Variants in ELOVL4 observed in about 807,000 individuals in gnomAD.
ELOVL4 encodes ELOVL fatty acid elongase 4.
Under a neutral mutation model 42.1 loss-of-function variants are expected in ELOVL4, and 18 were observed. The observed-to-expected ratio is 0.43, with a 90% CI of 0.30 to 0.63. ELOVL4 has a LOEUF of 0.63. Ranked by LOEUF, ELOVL4 falls within the 30% of genes least tolerant of loss-of-function variation. ELOVL4 has a pLI of 0.15. For synonymous variants in ELOVL4, 117 were observed against 127.0 expected (o/e 0.92, Z 0.53); for missense variants, 299 against 376.2 (o/e 0.79, Z 1.70).
Position 79,924,933 on chromosome 6 carries a change from G to A in ELOVL4, c.369+19C>T, listed in dbSNP as rs952213468. 6 of 1,486,748 alleles carry A rather than the reference G, an allele frequency of 4.0e-6. No homozygotes were observed. Among genetic ancestry groups the A allele is most frequent in the Non-Finnish European group, 5.6e-6 (6 of 1,064,218 alleles). 92.1% of individuals were successfully genotyped at this position (1,486,748 alleles called of 1,614,324 possible). A position where few individuals can be genotyped will look rare whatever the true frequency, so the allele number is the denominator to read the frequency against. ...ATCAAACCACTTTTACTGATTAAGA[G>A]TATTTTTAATGTACTTACCCTGACT... On this transcript the variant is annotated intron_variant, in intron 3 of 5. Transcript: ENST00000369816.
intron 1 of ELOVL4, among the ~76,000 whole-genome samples, chr6:79,928,477 G>C (rs1417648244): frequency 6.6e-6 from 1 of 152,066 alleles, no homozygotes; most frequent in African/African-American, 2.4e-5. Flanking sequence ...GAAATTAAGA[G>C]TAAGTAAAAG....
chr6:79,928,360 G>C (rs1774379974), intron 1 of ELOVL4, among the ~76,000 whole-genome samples: 1 of 152,014 alleles, frequency 6.6e-6, no homozygotes, highest in South Asian at 2.1e-4. Flanking sequence ...TAACATCATA[G>C]ATTATCTCTC....
chr6:79,939,346 T>G (rs998807797), intron 1 of ELOVL4, among the ~76,000 whole-genome samples: 3 of 152,052 alleles, frequency 2.0e-5, no homozygotes, highest in Non-Finnish European at 2.9e-5. Flanking sequence ...AAGTGTACAG[T>G]CCAGTATCAT....
chr6:79,926,614 A>C (rs1246910809), intron 1 of ELOVL4, among the ~76,000 whole-genome samples: 1 of 152,236 alleles, frequency 6.6e-6, no homozygotes. Flanking sequence ...ATTATGTTTT[A>C]CAGAGACCCT....
chr6:79,938,561 T>C (rs572515249), intron 1 of ELOVL4, among the ~76,000 whole-genome samples: 2 of 152,358 alleles, frequency 1.3e-5, no homozygotes, highest in East Asian at 3.9e-4. Context: ...ACACTTTTTT[T>C]AAACAATCCT....
chr6:79,947,335 T>C lies in ELOVL4; in HGVS notation c.-56A>G, dbSNP rs1774767916. On this transcript the variant is annotated 5_prime_UTR_variant, in exon 1 of 6. Coordinates refer to ENST00000369816, the MANE Select transcript of ELOVL4 (RefSeq NM_022726.4). ...GAAAGCGGAGACCCAGAGAGAGGGC[T>C]GACCCCGGAGGCGGTGGCGGCCGAC... 4.9e-6 allele frequency: 7 copies of C among 1,422,188 alleles called. No individual in the cohort carries two copies. Among genetic ancestry groups the C allele is most frequent in the Non-Finnish European group, 6.8e-6 (7 of 1,022,718 alleles). The allele number at this position is 1,422,188 out of a possible 1,614,324, so 88.1% of individuals were successfully genotyped here.
chr6:79,917,815 C>G (rs1401319318), intron 5 of ELOVL4, among the ~76,000 whole-genome samples: 8 of 151,882 alleles, frequency 5.3e-5, no homozygotes, highest in Admixed American at 5.2e-4. Context: ...GAGCAAAACT[C>G]CGTCCCAAAA....
rs1774139875 is a variant in ELOVL4, at chr6:79,915,416, G to A, written c.*1192C>T. 6.6e-6 allele frequency: 1 copy of A among 152,600 alleles called. No homozygotes were observed. Among genetic ancestry groups the A allele is most frequent in the African/African-American group, 2.4e-5 (1 of 41,458 alleles). The allele number at this position is 152,600 out of a possible 1,614,324, so 9.5% of individuals were successfully genotyped here. A position where few individuals can be genotyped will look rare whatever the true frequency, so the allele number is the denominator to read the frequency against. On this transcript the variant is annotated 3_prime_UTR_variant, in exon 6 of 6. Coordinates refer to ENST00000369816, the MANE Select transcript of ELOVL4 (RefSeq NM_022726.4). ...ATTTAACAATCTTTAGCACCAAGGA[G>A]TCAAGAATATTGCACCAAAATGGGT...
At chr6:79,932,948 C>A (rs239532) in intron 1 of ELOVL4, among the ~76,000 whole-genome samples, 1 of 151,912 alleles carries the variant, frequency 6.6e-6, no homozygotes, top group Non-Finnish European at 1.5e-5. Context: ...TCTTTTTTCA[C>A]GGGGCAGAAT....
chr6:79,916,747 G>A lies in ELOVL4; in HGVS notation c.806C>T (p.Thr269Ile). The A allele has an allele frequency of 6.2e-7, 1 of 1,614,036 alleles. No individual in the cohort carries two copies. The highest frequency in any genetic ancestry group is 2.2e-5 in the East Asian group (1 of 44,878). Reference protein sequence around the residue: ...IFLFLNFYIRTYKEPKKPKAG... With the variant: ...IFLFLNFYIRIYKEPKKPKAG... ...TTTTGGTTTCTTAGGCTCTTTGTAT[G>A]TCCGAATGTAGAAGTTAAGAAAGAG... is the stretch of plus-strand genomic sequence containing the variant. The change falls in exon 6 of 6, where the codon ACA becomes ATA. Residue 269 changes from threonine to isoleucine, a missense_variant. Thr to Ile is a moderately conservative substitution (Grantham distance 89, BLOSUM62 -1). Transcript: ENST00000369816.
At chr6:79,928,273 A>G (rs1217522763) in intron 1 of ELOVL4, among the ~76,000 whole-genome samples, 2 of 152,174 alleles carry the variant, frequency 1.3e-5, no homozygotes, top group Non-Finnish European at 2.9e-5. Flanking sequence ...ACAAAGAGCA[A>G]AAGTACTCTG....
chr6:79,946,878 C>A (rs975266847), intron 1 of ELOVL4, among the ~76,000 whole-genome samples: 3 of 152,174 alleles, frequency 2.0e-5, no homozygotes, highest in East Asian at 3.9e-4. Context: ...GCGGCTCCTG[C>A]GAGGAGCTCC....
chr6:79,927,258 T>G (rs1241773031), intron 1 of ELOVL4, among the ~76,000 whole-genome samples: 1 of 151,932 alleles, frequency 6.6e-6, no homozygotes, highest in African/African-American at 2.4e-5. Context: ...TAAAAATATA[T>G]TAATATTAAT....
intron 1 of ELOVL4, among the ~76,000 whole-genome samples, chr6:79,933,893 C>T (rs1377163501): frequency 1.3e-5 from 2 of 152,142 alleles, no homozygotes; most frequent in African/African-American, 4.8e-5. Flanking sequence ...ACAGACTCCA[C>T]GACTGTTGTG....
At chr6:79,946,896 A>C (rs1774752542) in intron 1 of ELOVL4, among the ~76,000 whole-genome samples, 1 of 152,212 alleles carries the variant, frequency 6.6e-6, no homozygotes, top group East Asian at 1.9e-4. Context: ...TCCTGGCTGC[A>C]CAGGCTCCAT....
chr6:79,922,687 G>A (rs1774278261), intron 3 of ELOVL4, among the ~76,000 whole-genome samples: 1 of 152,182 alleles, frequency 6.6e-6, no homozygotes, highest in Admixed American at 6.5e-5. Context: ...GGCCCTGTCA[G>A]ATTCATTCAC....
At chr6:79,929,152 G>A (rs966002174) in intron 1 of ELOVL4, among the ~76,000 whole-genome samples, 103 of 119,536 alleles carry the variant, frequency 8.6e-4, no homozygotes, top group African/African-American at 3.0e-3. Context: ...ATGAGAAAAC[G>A]AATCACCAGG....
At chr6:79,931,399 C>A (rs1399903354) in intron 1 of ELOVL4, among the ~76,000 whole-genome samples, 1 of 152,134 alleles carries the variant, frequency 6.6e-6, no homozygotes, top group Non-Finnish European at 1.5e-5. Context: ...GCAAGAGCCT[C>A]ATGTAACCTA....
chr6:79,939,246 C>T (rs1185184904), intron 1 of ELOVL4, among the ~76,000 whole-genome samples: 11 of 151,980 alleles, frequency 7.2e-5, no homozygotes, highest in Non-Finnish European at 1.2e-4. Context: ...TCTACAGGTG[C>T]TAATGTATTA....
Sources: allele counts gnomAD v4.1 joint callset (sites outside exome capture counted in the v4.1 genomes callset), GRCh38; gene constraint gnomAD v4.1.1; transcripts MANE v1.5; gene names NCBI Gene and HGNC (gene_info 2026-07-23, HGNC 2026-07-21).